ANKMY1: variants seen among roughly 807,000 people sequenced by gnomAD.
ANKMY1 encodes the protein ankyrin repeat and MYND domain-containing protein 1.
In ANKMY1, 98 loss-of-function variants were observed where a neutral mutation model predicts 102.0. That is an observed-to-expected ratio of 0.96 (90% confidence interval 0.82 to 1.14). ANKMY1 has a LOEUF of 1.14. ANKMY1 is among the 50% of genes most tolerant of loss of function. ANKMY1 has a pLI of 0.00. For synonymous variants in ANKMY1, 582 were observed against 559.9 expected (o/e 1.04, Z -0.56); for missense variants, 1,330 against 1,347.6 (o/e 0.99, Z 0.20).
intron 4 of ANKMY1, chr2:240,552,636 C>T: frequency 2.3e-6 from 1 of 441,994 alleles, no homozygotes; most frequent in South Asian, 2.1e-5. Context: ...ATTATGTGTA[C>T]AGTGATCCAG....
chr2:240,471,005 G>A, the ANKMY1 span, among the ~76,000 whole-genome samples: 1 of 152,104 alleles, frequency 6.6e-6, no homozygotes, highest in Non-Finnish European at 1.5e-5. Context: ...TGAGGGCTGG[G>A]AGCTGGAACT....
the ANKMY1 span, among the ~76,000 whole-genome samples, chr2:240,472,026 T>G: frequency 6.6e-6 from 1 of 152,130 alleles, no homozygotes; most frequent in Non-Finnish European, 1.5e-5. Context: ...ACCCCTCAGC[T>G]GCAGTCTGAA....
At chr2:240,521,126 T>C (rs988618967) in intron 8 of ANKMY1, among the ~76,000 whole-genome samples, 6 of 148,276 alleles carry the variant, frequency 4.0e-5, no homozygotes, top group African/African-American at 1.5e-4. Flanking sequence ...CGCGCAGGGC[T>C]GAGGGAGGAG....
intron 9 of ANKMY1, among the ~76,000 whole-genome samples, chr2:240,515,706 T>C (rs1324134453): frequency 6.6e-6 from 1 of 152,100 alleles, no homozygotes; most frequent in African/African-American, 2.4e-5. Context: ...AAAATTTTTG[T>C]AGAACATTAA....
intron 4 of ANKMY1, chr2:240,532,057 A>G (rs777330604): frequency 1.6e-4 from 76 of 464,996 alleles, no homozygotes; most frequent in Admixed American, 2.4e-5. Context: ...GAGAGGAGAG[A>G]GAATGAGGCA....
At chr2:240,509,799 T>C (rs111445417) in intron 11 of ANKMY1, among the ~76,000 whole-genome samples, 1,716 of 152,216 alleles carry the variant, frequency 0.011, 33 homozygotes, top group African/African-American at 0.038. Flanking sequence ...GGTCCTGGCA[T>C]ACAGCAGGTG....
intron 11 of ANKMY1, among the ~76,000 whole-genome samples, chr2:240,510,775 C>G (rs2152191081): frequency 6.8e-6 from 1 of 147,136 alleles, no homozygotes; most frequent in South Asian, 2.1e-4. Flanking sequence ...CACTGAAGTT[C>G]CACCTGCCAG....
chr2:240,471,856 C>G, the ANKMY1 span, among the ~76,000 whole-genome samples: 1 of 152,138 alleles, frequency 6.6e-6, no homozygotes, highest in Non-Finnish European at 1.5e-5. Context: ...ATGGCCTCAT[C>G]CCCCTATGGA....
At chr2:240,547,093 T>C (rs1373276184) in intron 4 of ANKMY1, among the ~76,000 whole-genome samples, 3 of 152,072 alleles carry the variant, frequency 2.0e-5, no homozygotes, top group African/African-American at 7.2e-5. Context: ...TATTCCAAAA[T>C]TGACCACATA....
downstream of ANKMY1, among the ~76,000 whole-genome samples, chr2:240,478,298 TG>T (rs2151810616): frequency 6.6e-6 from 1 of 152,358 alleles, no homozygotes; most frequent in South Asian, 2.1e-4. Context: ...ACTAATACAG[TG>T]CGGATAATTG....
At position 240,529,565 on chromosome 2, in the gene ANKMY1, G is replaced by A. The variant is rs2084817491; in HGVS notation, c.481-56C>T. The A allele has an allele frequency of 6.9e-7, 1 of 1,456,402 alleles. No homozygotes were observed. 90.2% of individuals were successfully genotyped at this position (1,456,402 alleles called of 1,614,324 possible). A position where few individuals can be genotyped will look rare whatever the true frequency, so the allele number is the denominator to read the frequency against. On this transcript the variant is annotated intron_variant, in intron 4 of 17. Transcript: ENST00000401804. This position sits in a 1 kb window ranked among gnomAD's most constrained non-coding sequence, Gnocchi z 4.2. ...GATAACGCGACCCAGCTGCACATGT[G>A]ATCATGTTTGTAACGTCAAAAGAAA...
upstream of ANKMY1, among the ~76,000 whole-genome samples, chr2:240,559,839 A>G (rs979178050): frequency 2.0e-5 from 3 of 152,270 alleles, no homozygotes; most frequent in Non-Finnish European, 4.4e-5. Context: ...TAACCCAGAG[A>G]GAGACTGTAT....
chr2:240,560,184 G>C (rs1217115143), upstream of ANKMY1: 2 of 153,640 alleles, frequency 1.3e-5, no homozygotes, highest in Admixed American at 6.5e-5. Flanking sequence ...CGACAACGCA[G>C]TCACTAGGGA....
intron 11 of ANKMY1, 70 bp downstream of exon 11, chr2:240,511,791 C>G (rs192916181): frequency 2.7e-6 from 4 of 1,488,946 alleles, no homozygotes; most frequent in Non-Finnish European, 3.5e-6. Flanking sequence ...CTTCCGGGGG[C>G]ACAAGGCCCT....
intron 4 of ANKMY1, among the ~76,000 whole-genome samples, chr2:240,531,623 C>T (rs1254941052): frequency 6.6e-6 from 1 of 152,008 alleles, no homozygotes; most frequent in East Asian, 1.9e-4. Flanking sequence ...CAAAAGAAAT[C>T]AAACATAAAA....
intron 15 of ANKMY1, among the ~76,000 whole-genome samples, chr2:240,498,966 G>A (rs1466714280): frequency 6.6e-6 from 1 of 152,188 alleles, no homozygotes; most frequent in Non-Finnish European, 1.5e-5. Flanking sequence ...CACTTCCTGT[G>A]CAGCCTGCAG....
chr2:240,533,783 GA>G (rs796105308), intron 4 of ANKMY1, among the ~76,000 whole-genome samples: 1 of 150,432 alleles, frequency 6.6e-6, no homozygotes. Context: ...GATGCGTCAT[GA>G]AAAAAATACA....
At chr2:240,560,735 AC>A (rs749176966), upstream of ANKMY1, 1 of 1,517,118 alleles carries the variant, frequency 6.6e-7, no homozygotes, top group African/African-American at 1.4e-5. Context: ...CCGTACCTCC[AC>A]CGTTGGTGCG....
intron 4 of ANKMY1, among the ~76,000 whole-genome samples, chr2:240,541,278 G>T (rs1031504815): frequency 1.2e-4 from 18 of 152,196 alleles, no homozygotes; most frequent in Admixed American, 3.9e-4. Context: ...CATGAAGAGA[G>T]GAAGCACTCC....
Sources: allele counts gnomAD v4.1 joint callset (sites outside exome capture counted in the v4.1 genomes callset), GRCh38; gene constraint gnomAD v4.1.1; non-coding constraint Gnocchi (gnomAD v3.1); transcripts MANE v1.5; gene names NCBI Gene and HGNC (gene_info 2026-07-23, HGNC 2026-07-21).